Variants in BCL2L13 observed in about 807,000 individuals in gnomAD.
BCL2L13 encodes the protein bcl-2-like protein 13.
A neutral mutation model predicts 25.8 loss-of-function variants in BCL2L13; 13 were observed. The observed-to-expected ratio is 0.50, with a 90% CI of 0.33 to 0.80. The LOEUF is 0.80. Among genes scored for constraint, BCL2L13 ranks in the 30% least tolerant of loss-of-function variants. The pLI is 0.02. For missense variants in BCL2L13, 504 were observed against 574.9 expected (o/e 0.88, Z 1.26); for synonymous variants, 244 against 230.3 (o/e 1.06, Z -0.54).
intron 2 of BCL2L13, among the ~76,000 whole-genome samples, chr22:17,664,566 T>G (rs896053965): frequency 6.6e-6 from 1 of 152,246 alleles, no homozygotes; most frequent in Admixed American, 6.5e-5. Context: ...CAGTGGGGAC[T>G]CTGTGTGTGG....
At chr22:17,635,871 A>G (rs4256048), upstream of BCL2L13, among the ~76,000 whole-genome samples, 152,033 of 152,046 alleles carry the variant, frequency 1, 76,010 homozygotes, top group Middle Eastern at 1. Context: ...CACCATGCCC[A>G]GCTAATTTTT....
intron 2 of BCL2L13, among the ~76,000 whole-genome samples, chr22:17,680,286 G>GC (rs2059701323): frequency 6.7e-6 from 1 of 149,356 alleles, no homozygotes; most frequent in South Asian, 2.1e-4. Context: ...CGAGGTGGGC[G>GC]CATCACGAGG....
At chr22:17,726,635 A>G (rs2145846026) in intron 6 of BCL2L13, 42 bp from the exon 7 acceptor site, 3 of 1,570,446 alleles carry the variant, frequency 1.9e-6, no homozygotes, top group Non-Finnish European at 1.7e-6. Flanking sequence ...TGTTTTAAAT[A>G]GTTACCATTC....
chr22:17,724,560 A>T (rs2061242780), intron 6 of BCL2L13, among the ~76,000 whole-genome samples: 1 of 152,192 alleles, frequency 6.6e-6, no homozygotes, highest in African/African-American at 2.4e-5. Flanking sequence ...TGCCGACATC[A>T]TGGTCGTGTG....
intron 2 of BCL2L13, among the ~76,000 whole-genome samples, chr22:17,663,683 C>CTTTTTTTTTTTTTTTTTTTTTTTTTTCT (rs61709181): frequency 9.3e-6 from 1 of 107,482 alleles, no homozygotes; most frequent in Non-Finnish European, 1.8e-5. Context: ...TACATTTTTC[C>CTTTTTTTTTTTTTTTTTTTTTTTTTTCT]TTTTTTTTTT....
At chr22:17,629,943 G>A (rs183703472) in intron 1 of BCL2L13, among the ~76,000 whole-genome samples, 2 of 152,006 alleles carry the variant, frequency 1.3e-5, no homozygotes, top group Non-Finnish European at 2.9e-5. Context: ...CCCGGGCCAG[G>A]CGCGGTGTCT....
chr22:17,675,144 C>G (rs1271093288), intron 2 of BCL2L13, among the ~76,000 whole-genome samples: 1 of 152,126 alleles, frequency 6.6e-6, no homozygotes, highest in Non-Finnish European at 1.5e-5. Flanking sequence ...TCTTTTACCC[C>G]TATAATTTAG....
chr22:17,675,074 A>G (rs1258517688), intron 2 of BCL2L13, among the ~76,000 whole-genome samples: 3 of 79,476 alleles, frequency 3.8e-5, no homozygotes, highest in Non-Finnish European at 5.8e-5. Flanking sequence ...ATACATATGT[A>G]TACACACACA....
At chr22:17,678,944 T>A (rs2059653246) in intron 2 of BCL2L13, among the ~76,000 whole-genome samples, 1 of 152,174 alleles carries the variant, frequency 6.6e-6, no homozygotes, top group Admixed American at 6.6e-5. Context: ...TATAGTTGAT[T>A]GCAGGGCCCT....
At chr22:17,688,666 A>G (rs2060014954) in intron 3 of BCL2L13, among the ~76,000 whole-genome samples, 1 of 152,168 alleles carries the variant, frequency 6.6e-6, no homozygotes, top group Non-Finnish European at 1.5e-5. Flanking sequence ...AATGTCCACA[A>G]TGATTATCTG....
chr22:17,695,255 C>T (rs2060229323), intron 4 of BCL2L13, among the ~76,000 whole-genome samples: 1 of 152,202 alleles, frequency 6.6e-6, no homozygotes, highest in Non-Finnish European at 1.5e-5. Flanking sequence ...GGAAAATATA[C>T]TTTCCTGGAT....
chr22:17,645,159 TG>T lies in BCL2L13; in HGVS notation c.-51+6276del, dbSNP rs1275445721. ...CCAAAGTAATTTGATGGGACAAGTT[TG>T]GGAAACAAATACAAAAGACTGTCAT... On this transcript the variant is annotated intron_variant, in intron 1 of 6. Transcript: ENST00000317582. Among the ~76,000 whole-genome samples the T allele has an allele frequency of 5.3e-5, 8 of 151,002 alleles. No homozygotes were observed. The East Asian group carries it at 1.4e-3, about 26-fold the overall frequency.
At chr22:17,635,945 G>A (rs527572991), upstream of BCL2L13, among the ~76,000 whole-genome samples, 562 of 151,594 alleles carry the variant, frequency 3.7e-3, 3 homozygotes, top group African/African-American at 0.012. Context: ...TCCTGACCTC[G>A]TGATCCGTCC....
intron 6 of BCL2L13, among the ~76,000 whole-genome samples, chr22:17,726,132 C>G (rs2061289724): frequency 6.6e-6 from 1 of 152,032 alleles, no homozygotes. Flanking sequence ...GGGTGGATCA[C>G]TGAAGGTCAG....
chr22:17,690,119 A>T (rs1490229540), intron 4 of BCL2L13, among the ~76,000 whole-genome samples: 1 of 152,154 alleles, frequency 6.6e-6, no homozygotes, highest in Non-Finnish European at 1.5e-5. Flanking sequence ...GGAAGTCAGG[A>T]GTTGGAGACC....
At position 17,684,723 on chromosome 22, in the gene BCL2L13, C is replaced by G. The variant is rs1259407931; in HGVS notation, c.229+1402C>G. 1.6e-5 allele frequency: 6 copies of G among 364,834 alleles called. No individual in the cohort carries two copies. In the Admixed American group the frequency reaches 2.2e-4, roughly 13 times the overall value. The allele number at this position is 364,834 out of a possible 1,614,324, so 22.6% of individuals were successfully genotyped here. A position where few individuals can be genotyped will look rare whatever the true frequency, so the allele number is the denominator to read the frequency against. ...GGATTACAGGTATGTGCCACCAAACCTGGCTAATTTTTTGTATTTTTTTTT... is the reference window on the plus strand; with the variant it reads ...GGATTACAGGTATGTGCCACCAAACGTGGCTAATTTTTTGTATTTTTTTTT... On this transcript the variant is annotated intron_variant, in intron 3 of 6. Transcript: ENST00000317582.
intron 4 of BCL2L13, among the ~76,000 whole-genome samples, chr22:17,693,805 C>T (rs1032431215): frequency 7.2e-5 from 11 of 152,088 alleles, no homozygotes; most frequent in Admixed American, 4.6e-4. Flanking sequence ...GGCGCAGTCT[C>T]GGCTCAACTG....
At chr22:17,723,953 A>C (rs1177250631) in intron 6 of BCL2L13, among the ~76,000 whole-genome samples, 1 of 151,746 alleles carries the variant, frequency 6.6e-6, no homozygotes, top group Non-Finnish European at 1.5e-5. Context: ...AAAAAAAAAC[A>C]AAAAACAAAC....
chr22:17,644,027 C>G (rs575844337), intron 1 of BCL2L13, among the ~76,000 whole-genome samples: 3 of 151,422 alleles, frequency 2.0e-5, no homozygotes, highest in Admixed American at 6.6e-5. Context: ...TCTCCTGGCT[C>G]AGCCTCCTGA....
Sources: gnomAD v4.1 joint callset for allele counts (sites outside exome capture counted in the v4.1 genomes callset) on GRCh38, gnomAD v4.1.1 for gene constraint, MANE v1.5 for transcripts, NCBI Gene and HGNC (gene_info 2026-07-23, HGNC 2026-07-21) for gene names.